The following BCL7C variants were observed in gnomAD, a reference collection of about 807,000 sequenced individuals.
BCL7C encodes the protein BAF chromatin remodeling complex subunit BCL7C.
In BCL7C, 8 loss-of-function variants were observed where a neutral mutation model predicts 26.2. That is an observed-to-expected ratio of 0.30 (90% CI 0.18 to 0.55). The LOEUF (loss-of-function observed/expected upper bound fraction) is 0.55, where lower values mean the gene tolerates loss of function less well. BCL7C is among the 20% of genes least tolerant of loss of function. BCL7C has a pLI of 0.93. For synonymous variants in BCL7C, 90 were observed against 116.5 expected (o/e 0.77, Z 1.47); for missense variants, 262 against 298.5 (o/e 0.88, Z 0.90).
chr16:30,884,538 C>T (rs556267527), downstream of BCL7C, among the ~76,000 whole-genome samples: 7 of 148,088 alleles, frequency 4.7e-5, no homozygotes, highest in African/African-American at 1.5e-4. Context: ...CCTCTTTTGC[C>T]CAGGCTGGAG....
chr16:30,882,331 C>T (rs1278747293), intron 5 of BCL7C, among the ~76,000 whole-genome samples: 6 of 152,160 alleles, frequency 3.9e-5, no homozygotes, highest in Admixed American at 2.6e-4. Flanking sequence ...GTACCTATTG[C>T]TATGAATAAA....
At chr16:30,858,473 C>T (rs984782278) in intron 5 of BCL7C, among the ~76,000 whole-genome samples, 10 of 152,134 alleles carry the variant, frequency 6.6e-5, no homozygotes, top group South Asian at 2.1e-4. Context: ...GGACCCAAAA[C>T]GCCAGTGTGC....
At chr16:30,855,223 C>A (rs1223455922) in intron 5 of BCL7C, among the ~76,000 whole-genome samples, 1 of 151,922 alleles carries the variant, frequency 6.6e-6, no homozygotes, top group Non-Finnish European at 1.5e-5. Context: ...TATAGGCCAC[C>A]CTTCTCAAAT....
At position 30,888,899 on chromosome 16, in the gene BCL7C, C is replaced by A. The variant is rs757354488; in HGVS notation, c.489G>T (p.Leu163=). The change falls in exon 5 of 6, where the codon CTG becomes CTT. Residue 163 remains leucine, a synonymous_variant. Transcript: ENST00000215115. ...TAGSTDEPPM[L]TKEEPVPELL... ...GTTCTGGAACAGGCTCCTCCTTGGT[C>A]AGCATTGGGGGTTCGTCGGTGCTGC... The A allele has an allele frequency of 3.7e-6, 6 of 1,614,068 alleles. No individual in the cohort carries two copies. The highest frequency in any genetic ancestry group is 8.5e-7 in the Non-Finnish European group (1 of 1,179,972).
At chr16:30,866,515 T>C (rs927139644) in intron 5 of BCL7C, among the ~76,000 whole-genome samples, 10 of 146,530 alleles carry the variant, frequency 6.8e-5, no homozygotes, top group Admixed American at 3.5e-4. Flanking sequence ...TGGCAGAGGT[T>C]GCAGTGAGCC....
At chr16:30,847,236 G>A (rs2054641836) in intron 5 of BCL7C, among the ~76,000 whole-genome samples, 1 of 152,152 alleles carries the variant, frequency 6.6e-6, no homozygotes, top group South Asian at 2.1e-4. Flanking sequence ...AAAAACTAGG[G>A]CACTAATTGG....
In BCL7C at chr16:30,892,951, G is replaced by A. The variant is rs775514072; in HGVS notation, c.172-3C>T. 6.2e-7 allele frequency: 1 copy of A among 1,611,132 alleles called. No homozygotes were observed. The highest frequency in any genetic ancestry group is 1.7e-5 in the Admixed American group (1 of 59,874). ...CCGCCACCTGCCCGCCTTCGCTCCT[G>A]GGGGTTAGAGGATTAGGGTCAGAGC... On this transcript the variant is annotated splice_polypyrimidine_tract_variant and splice_region_variant and intron_variant, in intron 2 of 5. Coordinates refer to ENST00000215115, the MANE Select transcript of BCL7C (RefSeq NM_004765.4).
chr16:30,891,423 T>C (rs894970896), intron 4 of BCL7C, among the ~76,000 whole-genome samples: 8 of 151,850 alleles, frequency 5.3e-5, no homozygotes, highest in Non-Finnish European at 7.4e-5. Flanking sequence ...GATTGTGCCG[T>C]CGCACTCCAG....
Position 30,893,405 on chromosome 16 carries a change from CA to C in BCL7C, c.93-116del. 4.0e-6 allele frequency: 3 copies of C among 744,974 alleles called. No individual in the cohort carries two copies. Among genetic ancestry groups the C allele is most frequent in the South Asian group, 3.6e-5 (2 of 55,988 alleles). 46.1% of individuals were successfully genotyped at this position (744,974 alleles called of 1,614,324 possible). A position where few individuals can be genotyped will look rare whatever the true frequency, so the allele number is the denominator to read the frequency against. On this transcript the variant is annotated intron_variant, in intron 1 of 5. Transcript: ENST00000215115. The surrounding 1 kb of genome is among the most constrained non-coding windows in gnomAD (Gnocchi z 5.2). ...TTGAGGAGGCACAGGAGGATAGCAACAGTTTTGCTAATGGGGCATAGTTACA... is the reference window on the plus strand; with the variant it reads ...TTGAGGAGGCACAGGAGGATAGCAACGTTTTGCTAATGGGGCATAGTTACA...
intron 5 of BCL7C, among the ~76,000 whole-genome samples, chr16:30,861,777 C>T (rs1052096240): frequency 5.9e-5 from 9 of 151,806 alleles, no homozygotes; most frequent in Admixed American, 2.0e-4. Context: ...GGACTGTTTC[C>T]GTAACTGTTG....
chr16:30,851,874 C>A, intron 5 of BCL7C: 1 of 236,588 alleles, frequency 4.2e-6, no homozygotes, highest in South Asian at 1.1e-4. Flanking sequence ...ACAATCTGAT[C>A]AAGAAATGGT....
intron 4 of BCL7C, among the ~76,000 whole-genome samples, chr16:30,891,969 G>A (rs914732801): frequency 2.0e-5 from 3 of 148,388 alleles, no homozygotes; most frequent in Non-Finnish European, 4.5e-5. Context: ...CTAAAAAAAA[G>A]GGGGGGGAGG....
At chr16:30,879,700 A>AAAACAAAAAAAAAAC (rs1555482422) in intron 5 of BCL7C, among the ~76,000 whole-genome samples, 1 of 135,004 alleles carries the variant, frequency 7.4e-6, no homozygotes, top group Non-Finnish European at 1.7e-5. Flanking sequence ...AAAAAAAAAA[A>AAAACAAAAAAAAAAC]AAAAAAAAAC....
chr16:30,843,159 C>T (rs1243243866), intron 5 of BCL7C, among the ~76,000 whole-genome samples: 4 of 152,180 alleles, frequency 2.6e-5, no homozygotes, highest in African/African-American at 4.8e-5. Flanking sequence ...GTCAAAATTC[C>T]GGCCACTGCG....
Position 30,893,782 on chromosome 16 carries a change from A to AG in BCL7C, c.92+70dup. 7.1e-7 allele frequency: 1 copy of AG among 1,399,246 alleles called. No individual in the cohort carries two copies. The highest frequency in any genetic ancestry group is 1.0e-6 in the Non-Finnish European group (1 of 1,003,314). 86.7% of individuals were successfully genotyped at this position (1,399,246 alleles called of 1,614,324 possible). A position where few individuals can be genotyped will look rare whatever the true frequency, so the allele number is the denominator to read the frequency against. Reference sequence around the variant, plus strand: ...GAACACCCGGGGCCCAGAGCTGGCGAGGGCAGCGTAGACGCCTTTGGTGCT... The same window carrying AG: ...GAACACCCGGGGCCCAGAGCTGGCGAGGGGCAGCGTAGACGCCTTTGGTGCT... On this transcript the variant is annotated intron_variant, in intron 1 of 5. Transcript: ENST00000215115. This position sits in a 1 kb window ranked among gnomAD's most constrained non-coding sequence, Gnocchi z 5.2.
At chr16:30,884,502 T>G (rs190369606), downstream of BCL7C, among the ~76,000 whole-genome samples, 8 of 149,024 alleles carry the variant, frequency 5.4e-5, no homozygotes, top group East Asian at 2.0e-4. Context: ...GTTTTTTTTT[T>G]TTTTTTTTTT....
intron 5 of BCL7C, among the ~76,000 whole-genome samples, chr16:30,858,709 C>G (rs2054745225): frequency 6.6e-6 from 1 of 152,110 alleles, no homozygotes; most frequent in African/African-American, 2.4e-5. Context: ...AGAGAAGGAG[C>G]CCTGCAATTA....
intron 5 of BCL7C, among the ~76,000 whole-genome samples, chr16:30,877,313 G>A (rs1034822667): frequency 4.6e-5 from 7 of 152,122 alleles, no homozygotes; most frequent in South Asian, 2.1e-4. Context: ...TTGCTCTGTC[G>A]CGCAGGTTGA....
chr16:30,878,091 C>A (rs922679244), intron 5 of BCL7C, among the ~76,000 whole-genome samples: 1 of 151,880 alleles, frequency 6.6e-6, no homozygotes, highest in African/African-American at 2.4e-5. Context: ...ACGAGAATGG[C>A]TTGAACCTGG....
Sources: gnomAD v4.1 joint callset for allele counts (sites outside exome capture counted in the v4.1 genomes callset) on GRCh38, gnomAD v4.1.1 for gene constraint, Gnocchi (gnomAD v3.1) non-coding constraint, MANE v1.5 for transcripts, NCBI Gene and HGNC (gene_info 2026-07-23, HGNC 2026-07-21) for gene names.